The following EPDR1 variants were observed in gnomAD, a reference collection of about 807,000 sequenced individuals.
EPDR1 encodes ependymin related 1.
In EPDR1, 27 loss-of-function variants were observed where a neutral mutation model predicts 23.7. The observed-to-expected ratio is 1.14, with a 90% confidence interval of 0.84 to 1.57. The LOEUF is 1.57. Ranked by LOEUF, EPDR1 falls within the 40% of genes most tolerant of loss-of-function variation. EPDR1 has a pLI of 0.00. For missense variants in EPDR1, 349 were observed against 290.4 expected (o/e 1.20, Z -1.47); for synonymous variants, 137 against 118.2 (o/e 1.16, Z -1.03).
intron 1 of EPDR1, among the ~76,000 whole-genome samples, chr7:37,929,452 C>T (rs1026847347): frequency 1.3e-5 from 2 of 152,156 alleles, no homozygotes; most frequent in African/African-American, 4.8e-5. Context: ...GATTCCCAAG[C>T]TCCATTTTCT....
chr7:37,944,286 C>T (rs893769749), intron 1 of EPDR1, among the ~76,000 whole-genome samples: 3 of 152,126 alleles, frequency 2.0e-5, no homozygotes, highest in East Asian at 1.9e-4. Flanking sequence ...CCCTCAGCTT[C>T]GAAATTTACA....
intron 1 of EPDR1, among the ~76,000 whole-genome samples, chr7:37,945,919 G>A (rs1004653699): frequency 2.6e-5 from 4 of 151,938 alleles, no homozygotes; most frequent in South Asian, 2.1e-4. Context: ...TTGCTTCCCC[G>A]ACGCGTCCAT....
At chr7:37,931,498 A>C (rs1562858707) in intron 1 of EPDR1, among the ~76,000 whole-genome samples, 1 of 151,982 alleles carries the variant, frequency 6.6e-6, no homozygotes, top group African/African-American at 2.4e-5. Context: ...TGGGTGATAG[A>C]GCAAGACTCC....
intron 1 of EPDR1, among the ~76,000 whole-genome samples, chr7:37,933,234 C>A (rs1785978975): frequency 6.6e-6 from 1 of 152,234 alleles, no homozygotes; most frequent in African/African-American, 2.4e-5. Flanking sequence ...CATTACTAAT[C>A]TATTATAGTG....
intron 1 of EPDR1, among the ~76,000 whole-genome samples, chr7:37,936,039 T>TATATATATATAC (rs57925993): frequency 1.2e-5 from 1 of 80,940 alleles, no homozygotes; most frequent in Non-Finnish European, 2.5e-5. Flanking sequence ...TATATATATA[T>TATATATATATAC]ACACAAGGGA....
At chr7:37,947,473 A>T (rs147216152) in intron 1 of EPDR1, among the ~76,000 whole-genome samples, 1 of 152,342 alleles carries the variant, frequency 6.6e-6, no homozygotes, top group East Asian at 1.9e-4. Flanking sequence ...TAAAGACAGT[A>T]ACCATTTCTA....
chr7:37,933,642 G>T (rs952850317), intron 1 of EPDR1, among the ~76,000 whole-genome samples: 5 of 152,150 alleles, frequency 3.3e-5, no homozygotes, highest in Admixed American at 2.0e-4. Flanking sequence ...GACTGTTAAG[G>T]CAGTAGCTGC....
chr7:37,947,642 A>G (rs1786304745), intron 1 of EPDR1, among the ~76,000 whole-genome samples: 1 of 152,204 alleles, frequency 6.6e-6, no homozygotes, highest in Non-Finnish European at 1.5e-5. Context: ...TAGGCTCTTC[A>G]GCCCTCAAGT....
intron 1 of EPDR1, among the ~76,000 whole-genome samples, chr7:37,944,991 AT>A (rs1786244267): frequency 1.3e-5 from 2 of 152,224 alleles, no homozygotes; most frequent in Non-Finnish European, 2.9e-5. Context: ...AGCACAAGAT[AT>A]TGCTGGTGGT....
intron 1 of EPDR1, among the ~76,000 whole-genome samples, chr7:37,947,058 T>C (rs1054953719): frequency 1.3e-5 from 2 of 152,204 alleles, no homozygotes; most frequent in Non-Finnish European, 2.9e-5. Context: ...CAGAAGTGTA[T>C]AGAAATGTCC....
chr7:37,941,475 A>C (rs1280659517), intron 1 of EPDR1, among the ~76,000 whole-genome samples: 1 of 152,238 alleles, frequency 6.6e-6, no homozygotes, highest in African/African-American at 2.4e-5. Context: ...CAAAGTATAC[A>C]ACCTCACCAA....
Position 37,950,237 on chromosome 7 carries a change from C to T in EPDR1, c.516C>T (p.Cys172=), listed in dbSNP as rs761199728. 2.9e-5 allele frequency: 47 copies of T among 1,613,882 alleles called. 2 individuals carry two copies. In the South Asian group the frequency reaches 4.2e-4, roughly 14 times the overall value. The change falls in exon 3 of 3, where the codon TGC becomes TGT. Residue 172 remains cysteine, a synonymous_variant. Transcript: ENST00000199448. ...TTGGCATCTATACAGTCAAGGATTGCTATCCTGTCCAGGAAACCTTTACCA... is the reference window on the plus strand; with the variant it reads ...TTGGCATCTATACAGTCAAGGATTGTTATCCTGTCCAGGAAACCTTTACCA... ...TWIGIYTVKD[C]YPVQETFTIN... is the part of the protein sequence containing the mutation.
At chr7:37,943,849 G>C (rs1459875785) in intron 1 of EPDR1, among the ~76,000 whole-genome samples, 1 of 152,162 alleles carries the variant, frequency 6.6e-6, no homozygotes, top group Non-Finnish European at 1.5e-5. Flanking sequence ...TTTTACTTCT[G>C]TATGTGGGCA....
At chr7:37,943,355 A>G (rs1382421780) in intron 1 of EPDR1, among the ~76,000 whole-genome samples, 1 of 152,122 alleles carries the variant, frequency 6.6e-6, no homozygotes, top group Non-Finnish European at 1.5e-5. Context: ...CCTTGGGTCC[A>G]CGGGTTATTC....
Position 37,921,005 on chromosome 7 carries a change from C to T in EPDR1, c.66C>T (p.Leu22=). 6.5e-7 allele frequency: 1 copy of T among 1,527,204 alleles called. No individual in the cohort carries two copies. Among genetic ancestry groups the T allele is most frequent in the Non-Finnish European group, 8.8e-7 (1 of 1,141,506 alleles). The allele number at this position is 1,527,204 out of a possible 1,614,324, so 94.6% of individuals were successfully genotyped here. A position where few individuals can be genotyped will look rare whatever the true frequency, so the allele number is the denominator to read the frequency against. ...TGGGTGCCTGGCTGCTGGGCGGCCT[C>T]TGGGCCTGGACCCTGTGCGGCCTGT... ...GALGAWLLGG[L]WAWTLCGLCS... is the part of the protein sequence containing the mutation. Residue 22 remains leucine (L), a synonymous_variant, in exon 1 of 3, where the codon CTC becomes CTT. Transcript: ENST00000199448.
At chr7:37,929,225 G>A (rs1785881370) in intron 1 of EPDR1, among the ~76,000 whole-genome samples, 1 of 152,186 alleles carries the variant, frequency 6.6e-6, no homozygotes, top group Non-Finnish European at 1.5e-5. Flanking sequence ...AGGCACTTAT[G>A]ACTATCTGGC....
At chr7:37,924,335 A>G (rs1785773858) in intron 1 of EPDR1, among the ~76,000 whole-genome samples, 1 of 152,220 alleles carries the variant, frequency 6.6e-6, no homozygotes, top group African/African-American at 2.4e-5. Context: ...AATGGTAATC[A>G]GGCAAAGGCA....
chr7:37,949,082 G>T (rs1171614095), intron 2 of EPDR1, 34 bp downstream of exon 2: 1 of 1,585,206 alleles, frequency 6.3e-7, no homozygotes, highest in Non-Finnish European at 8.7e-7. Context: ...ATTGTATTCA[G>T]CATGCATGAT....
intron 1 of EPDR1, among the ~76,000 whole-genome samples, chr7:37,946,749 A>G (rs753657327): frequency 1.3e-4 from 20 of 152,142 alleles, no homozygotes; most frequent in Non-Finnish European, 2.1e-4. Flanking sequence ...AACCTTGTGT[A>G]GGCCTGGCTA....
Sources: allele counts gnomAD v4.1 joint callset (sites outside exome capture counted in the v4.1 genomes callset), GRCh38; gene constraint gnomAD v4.1.1; transcripts MANE v1.5; gene names NCBI Gene and HGNC (gene_info 2026-07-23, HGNC 2026-07-21).